The following NDUFS2 variants were observed in gnomAD, a reference collection of about 807,000 sequenced individuals.
NDUFS2 encodes the protein NADH dehydrogenase [ubiquinone] iron-sulfur protein 2, mitochondrial.
A neutral mutation model predicts 69.6 loss-of-function variants in NDUFS2; 38 were observed. The ratio of observed to expected loss-of-function variants is 0.55; its 90% CI spans 0.42 to 0.72. The LOEUF (loss-of-function observed/expected upper bound fraction) is 0.72, where lower values mean the gene tolerates loss of function less well. NDUFS2 is among the 30% of genes least tolerant of loss of function. NDUFS2 has a pLI of 0.00. For missense variants in NDUFS2, 468 were observed against 595.0 expected (o/e 0.79, Z 2.22); for synonymous variants, 194 against 211.2 (o/e 0.92, Z 0.70).
At chr1:161,204,592 T>C (rs1314933593) in intron 2 of NDUFS2, among the ~76,000 whole-genome samples, 1 of 152,224 alleles carries the variant, frequency 6.6e-6, no homozygotes, top group Non-Finnish European at 1.5e-5. Flanking sequence ...ATGTTATTCA[T>C]ACTCTTGCTC....
upstream of NDUFS2, among the ~76,000 whole-genome samples, chr1:161,200,054 A>C (rs960130231): frequency 5.9e-5 from 9 of 152,142 alleles, no homozygotes; most frequent in African/African-American, 2.2e-4. Context: ...AGATTCACCC[A>C]GTATCAATCT....
chr1:161,201,323 C>T (rs1665108890), upstream of NDUFS2, among the ~76,000 whole-genome samples: 1 of 152,208 alleles, frequency 6.6e-6, no homozygotes, highest in Non-Finnish European at 1.5e-5. Context: ...CCTCACCCTG[C>T]TGCGCTGCTG....
At chr1:161,213,982 G>T in intron 13 of NDUFS2, 61 bp downstream of exon 13, 21 of 1,613,896 alleles carry the variant, frequency 1.3e-5, no homozygotes, top group Non-Finnish European at 1.8e-5. Flanking sequence ...CGCCCACTGG[G>T]GACAGAAGGA....
rs1287944487 is a variant in NDUFS2, at chr1:161,210,682, G to C, written c.958G>C (p.Val320Leu). ...CGACCAGGTTGAGTTTGATGTTCCTGTTGGTTCTCGAGGGGACTGCTATGA... is the reference window on the plus strand; with the variant it reads ...CGACCAGGTTGAGTTTGATGTTCCTCTTGGTTCTCGAGGGGACTGCTATGA... ...VYDQVEFDVP[V>L]GSRGDCYDRY... The change falls in exon 9 of 14, where the codon GTT (valine) becomes CTT (leucine). Residue 320 changes from valine to leucine, a missense_variant. Physicochemically the swap from Val to Leu is conservative, Grantham distance 32. Around this residue, in one of 3 missense-constraint regions of NDUFS2, gnomAD observed 339 missense variants for 433.8 expected, o/e 0.78. Coordinates refer to ENST00000676972, the MANE Select transcript of NDUFS2 (RefSeq NM_001377299.1). 6.2e-7 allele frequency: 1 copy of C among 1,613,944 alleles called. No homozygotes were observed. The highest frequency in any genetic ancestry group is 8.5e-7 in the Non-Finnish European group (1 of 1,180,000).
At position 161,203,505 on chromosome 1, in the gene NDUFS2, G is replaced by T. The variant is rs2102030779; in HGVS notation, c.164G>T (p.Ser55Ile). Reference protein sequence around the residue: ...QQFGGAVMYPSKETAHWKPPP... With the variant: ...QQFGGAVMYPIKETAHWKPPP... ...TTTGGGGGAGCTGTTATGTACCCAA[G>T]CAAAGAAACAGCCCACTGGAAGCCT... The change falls in exon 2 of 14, where the codon AGC (serine) becomes ATC (isoleucine). Residue 55 changes from serine to isoleucine, a missense_variant. Around this residue, in one of 3 missense-constraint regions of NDUFS2, gnomAD observed 339 missense variants for 433.8 expected, o/e 0.78. Coordinates refer to ENST00000676972, the MANE Select transcript of NDUFS2 (RefSeq NM_001377299.1). 6.2e-7 allele frequency: 1 copy of T among 1,614,000 alleles called. No individual in the cohort carries two copies. The highest frequency in any genetic ancestry group is 2.2e-5 in the East Asian group (1 of 44,876).
intron 1 of NDUFS2, among the ~76,000 whole-genome samples, chr1:161,203,003 G>T (rs1665232965): frequency 6.6e-6 from 1 of 152,064 alleles, no homozygotes; most frequent in South Asian, 2.1e-4. Context: ...CAGTGACTTG[G>T]CATTAAAAAA....
chr1:161,201,394 C>T (rs559999713), upstream of NDUFS2, among the ~76,000 whole-genome samples: 1 of 152,298 alleles, frequency 6.6e-6, no homozygotes, highest in East Asian at 1.9e-4. Context: ...TTTCCAGGCT[C>T]AGAGTTGGAG....
chr1:161,209,638 G>A, intron 5 of NDUFS2, 43 bp downstream of exon 5: 1 of 1,498,312 alleles, frequency 6.7e-7, no homozygotes, highest in Non-Finnish European at 9.2e-7. Context: ...AGGAAGTGCA[G>A]GAAGTAGAGA....
upstream of NDUFS2, chr1:161,197,849 G>A: frequency 8.7e-6 from 11 of 1,258,988 alleles, no homozygotes; most frequent in Middle Eastern, 5.5e-4. Flanking sequence ...ACCAAGAAAG[G>A]AGGCTCATGG....
rs1328338317 is a variant in NDUFS2, at chr1:161,209,302, A to G, written c.503A>G (p.Gln168Arg). 5 of 1,614,034 alleles carry G rather than the reference A, an allele frequency of 3.1e-6. No homozygotes were observed. Among genetic ancestry groups the G allele is most frequent in the Admixed American group, 3.3e-5 (2 of 59,988 alleles). The change falls in exon 4 of 14, where the codon CAG (glutamine) becomes CGG (arginine). Residue 168 changes from glutamine to arginine, a missense_variant. By Grantham distance (43) the Gln-to-Arg change is conservative. Coordinates refer to ENST00000676972, the MANE Select transcript of NDUFS2 (RefSeq NM_001377299.1). The part of the protein sequence containing the change: ...LLNIRPPPRA[Q>R]WIRVLFGEIT... ...AACATCCGGCCTCCTCCTCGGGCAC[A>G]GTGGATCCGAGGTATGTCCCCCCAA...
At chr1:161,210,034 T>A (rs1456589419) in intron 6 of NDUFS2, 77 bp from the exon 7 acceptor site, 2 of 1,590,648 alleles carry the variant, frequency 1.3e-6, no homozygotes, top group Non-Finnish European at 1.7e-6. Flanking sequence ...CCTGTATCGC[T>A]GGGGGAGGGG....
rs760575668 is a variant in NDUFS2, at chr1:161,206,471, A to T, written c.267A>T (p.Pro89=). The change falls in exon 3 of 14, where the codon CCA becomes CCT. Residue 89 remains proline, a synonymous_variant. Coordinates refer to ENST00000676972, the MANE Select transcript of NDUFS2 (RefSeq NM_001377299.1). ...CCCTGAACTTTGGGCCCCAACACCC[A>T]GCAGCGCATGGTGTCCTGCGACTAG... is the stretch of plus-strand genomic sequence containing the variant. ...NITLNFGPQH[P]AAHGVLRLVM... 1.9e-6 allele frequency: 3 copies of T among 1,614,270 alleles called. No individual in the cohort carries two copies. In the Admixed American group the frequency reaches 5.0e-5, roughly 27 times the overall value.
chr1:161,210,425 G>A, intron 8 of NDUFS2, 36 bp downstream of exon 8: 1 of 1,604,928 alleles, frequency 6.2e-7, no homozygotes, highest in Non-Finnish European at 8.5e-7. Flanking sequence ...TAGGAGTGGG[G>A]GTGGGAGTGG....
intron 3 of NDUFS2, among the ~76,000 whole-genome samples, chr1:161,208,707 C>A (rs976029678): frequency 2.4e-4 from 37 of 152,250 alleles, no homozygotes; most frequent in African/African-American, 8.7e-4. Context: ...TAGCCATTGT[C>A]AGAAATTAAT....
At chr1:161,203,652 G>A (rs895614786) in intron 2 of NDUFS2, 109 bp downstream of exon 2, 1 of 964,612 alleles carries the variant, frequency 1.0e-6, no homozygotes, top group Non-Finnish European at 1.6e-6. Context: ...CTGGAGTGCA[G>A]TGGTGCGAAA....
chr1:161,212,650 C>G (rs1023794386), intron 10 of NDUFS2, 170 bp downstream of exon 10: 17 of 769,124 alleles, frequency 2.2e-5, no homozygotes, highest in Non-Finnish European at 3.1e-5. Flanking sequence ...ACCTCCGCCT[C>G]CCAGGTTCAA....
Position 161,214,324 on chromosome 1 carries a change from A to C in NDUFS2, c.*131A>C, listed in dbSNP as rs1354309578. On this transcript the variant is annotated 3_prime_UTR_variant, in exon 14 of 14. Coordinates refer to ENST00000676972, the MANE Select transcript of NDUFS2 (RefSeq NM_001377299.1). Reference sequence around the variant, plus strand: ...GTATGTTCATGTACACTTGGCTGTCAGGCTTTCTGTGCATGTACTAAAAAA... The same window carrying C: ...GTATGTTCATGTACACTTGGCTGTCCGGCTTTCTGTGCATGTACTAAAAAA... 5.5e-6 allele frequency: 5 copies of C among 909,610 alleles called. No individual in the cohort carries two copies. The highest frequency in any genetic ancestry group is 1.7e-5 in the African/African-American group (1 of 60,102). 56.3% of individuals were successfully genotyped at this position (909,610 alleles called of 1,614,324 possible). A position where few individuals can be genotyped will look rare whatever the true frequency, so the allele number is the denominator to read the frequency against.
At chr1:161,206,996 G>A (rs186301341) in intron 3 of NDUFS2, among the ~76,000 whole-genome samples, 243 of 152,266 alleles carry the variant, frequency 1.6e-3, no homozygotes, top group Non-Finnish European at 2.3e-3. Flanking sequence ...AGCTGTCTAC[G>A]TTTGTTTTCA....
At chr1:161,203,579 A>G (rs773317253) in intron 2 of NDUFS2, 36 bp downstream of exon 2, 5 of 1,502,848 alleles carry the variant, frequency 3.3e-6, no homozygotes, top group Middle Eastern at 2.1e-4. Flanking sequence ...ACCCACACCC[A>G]TCCCTGCCCC....
Sources: gnomAD v4.1 joint callset for allele counts (sites outside exome capture counted in the v4.1 genomes callset) on GRCh38, gnomAD v4.1.1 for gene constraint, gnomAD v4.1.1 regional missense constraint, MANE v1.5 for transcripts, NCBI Gene and HGNC (gene_info 2026-07-23, HGNC 2026-07-21) for gene names.